MTA3: variants seen among roughly 807,000 people sequenced by gnomAD.
The protein encoded by MTA3 is metastasis associated 1 family member 3.
MTA3 carries 34 observed loss-of-function variants against 83.5 expected under a neutral mutation model. The ratio of observed to expected loss-of-function variants is 0.41; its 90% CI spans 0.31 to 0.54. The LOEUF (loss-of-function observed/expected upper bound fraction) is 0.54, where lower values mean the gene tolerates loss of function less well. MTA3 is among the 20% of genes least tolerant of loss of function. The probability of loss-of-function intolerance (pLI) is 0.33; values close to 1 mark genes in which losing one functional copy is unlikely to be tolerated. For missense variants in MTA3, 761 were observed against 726.4 expected (o/e 1.05, Z -0.55); for synonymous variants, 303 against 252.7 (o/e 1.20, Z -1.89).
chr2:42,563,831 C>T (rs867587047), upstream of MTA3, among the ~76,000 whole-genome samples: 12 of 134,642 alleles, frequency 8.9e-5, no homozygotes, highest in African/African-American at 2.8e-4. Context: ...TTCCTTCCTT[C>T]CTTTCTTTTT....
intron 4 of MTA3, among the ~76,000 whole-genome samples, chr2:42,622,360 C>CGTCCAGCTTCGG (rs1685658587): frequency 2.2e-5 from 3 of 136,184 alleles, no homozygotes; most frequent in Non-Finnish European, 4.6e-5. Flanking sequence ...GCAGCAGTAC[C>CGTCCAGCTTCGG]GTCCAGCTTC....
At chr2:42,525,400 G>A (rs1261965198) in intron 2 of MTA3, among the ~76,000 whole-genome samples, 1 of 151,260 alleles carries the variant, frequency 6.6e-6, no homozygotes, top group Non-Finnish European at 1.5e-5. Flanking sequence ...GGATTTCACC[G>A]TGTTGCCCAG....
At chr2:42,622,085 A>C (rs533679931) in intron 4 of MTA3, among the ~76,000 whole-genome samples, 2 of 152,272 alleles carry the variant, frequency 1.3e-5, no homozygotes, top group African/African-American at 2.4e-5. Context: ...GCGAGCCGAG[A>C]TCACGCCACT....
At chr2:42,580,475 G>C (rs1172470979) in intron 3 of MTA3, among the ~76,000 whole-genome samples, 1 of 151,958 alleles carries the variant, frequency 6.6e-6, no homozygotes, top group African/African-American at 2.4e-5. Context: ...GGGTTCAGGC[G>C]ACTCTCCTGC....
At chr2:42,545,352 T>C (rs1676714373) in intron 2 of MTA3, among the ~76,000 whole-genome samples, 1 of 151,994 alleles carries the variant, frequency 6.6e-6, no homozygotes, top group African/African-American at 2.4e-5. Flanking sequence ...CATTCCAGCC[T>C]GAGCGACAGA....
At chr2:42,700,420 G>T (rs969474460) in intron 11 of MTA3, among the ~76,000 whole-genome samples, 1 of 152,130 alleles carries the variant, frequency 6.6e-6, no homozygotes, top group Non-Finnish European at 1.5e-5. Context: ...ATGTCTATAT[G>T]CAGTCTTGGC....
chr2:42,687,003 T>C (rs901877979), intron 9 of MTA3, among the ~76,000 whole-genome samples: 1 of 151,364 alleles, frequency 6.6e-6, no homozygotes, highest in Non-Finnish European at 1.5e-5. Flanking sequence ...GGCACATGCC[T>C]ATAATACCAG....
intron 6 of MTA3, among the ~76,000 whole-genome samples, chr2:42,653,690 T>G (rs1688916252): frequency 6.6e-6 from 1 of 152,234 alleles, no homozygotes; most frequent in African/African-American, 2.4e-5. Flanking sequence ...TACAGTGAAT[T>G]TATTTAGAAT....
chr2:42,604,590 AATTT>A (rs1683007212), intron 3 of MTA3, among the ~76,000 whole-genome samples: 19 of 110,560 alleles, frequency 1.7e-4, no homozygotes, highest in African/African-American at 5.7e-4. Context: ...TTTTTTTTTT[AATTT>A]ATTTTTTTAT....
intron 14 of MTA3, among the ~76,000 whole-genome samples, chr2:42,716,756 A>C (rs187718517): frequency 2.6e-5 from 4 of 152,246 alleles, no homozygotes; most frequent in African/African-American, 9.6e-5. Flanking sequence ...GGTTGATTCC[A>C]TGTCTTTACT....
chr2:42,722,877 T>A lies in MTA3; in HGVS notation c.1613-12T>A, dbSNP rs1311190279. The A allele has an allele frequency of 6.4e-7, 1 of 1,550,674 alleles. No individual in the cohort carries two copies. The highest frequency in any genetic ancestry group is 8.7e-7 in the Non-Finnish European group (1 of 1,146,940). On this transcript the variant is annotated splice_polypyrimidine_tract_variant and intron_variant, in intron 15 of 16. Coordinates refer to ENST00000405094, the MANE Select transcript of MTA3 (RefSeq NM_001330442.2). ...CATGTTCTGAATTGAGAAACCTTTT[T>A]TCCCCCATCAGAGATCCATCCTGCA...
At chr2:42,509,341 C>CCT (rs1674791701) in intron 2 of MTA3, among the ~76,000 whole-genome samples, 1 of 152,180 alleles carries the variant, frequency 6.6e-6, no homozygotes, top group Admixed American at 6.6e-5. Context: ...CTGCGCCTGG[C>CCT]CTCACCTGTT....
At chr2:42,726,534 TG>T (rs767956733) in intron 16 of MTA3, among the ~76,000 whole-genome samples, 4 of 151,566 alleles carry the variant, frequency 2.6e-5, no homozygotes, top group Non-Finnish European at 4.4e-5. Flanking sequence ...GTCCCCAGAG[TG>T]TGATGTTCCC....
At chr2:42,605,844 A>C (rs1344423196) in intron 3 of MTA3, among the ~76,000 whole-genome samples, 8 of 119,132 alleles carry the variant, frequency 6.7e-5, no homozygotes, top group African/African-American at 2.3e-4. Flanking sequence ...TGGAGGGCTG[A>C]CCCCCCCACC....
intron 3 of MTA3, among the ~76,000 whole-genome samples, chr2:42,585,614 A>G (rs1048760258): frequency 6.6e-6 from 1 of 151,510 alleles, no homozygotes; most frequent in African/African-American, 2.4e-5. Flanking sequence ...AGCTGGAACT[A>G]CAGATGTGTG....
intron 9 of MTA3, among the ~76,000 whole-genome samples, chr2:42,694,133 C>G (rs2083348): frequency 0.64 from 96,648 of 152,042 alleles, 31,295 homozygotes; most frequent in South Asian, 0.8. Context: ...ATCCAAGATG[C>G]AAGACAAAGT....
intron 3 of MTA3, 88 bp from the exon 4 acceptor site, chr2:42,609,370 T>C (rs1485162611): frequency 5.2e-6 from 7 of 1,348,636 alleles, no homozygotes; most frequent in African/African-American, 2.9e-5. Flanking sequence ...GAAGAAAATA[T>C]TGAATAAAAT....
At chr2:42,555,030 G>A (rs936116993) in intron 2 of MTA3, among the ~76,000 whole-genome samples, 3 of 152,160 alleles carry the variant, frequency 2.0e-5, no homozygotes, top group African/African-American at 7.2e-5. Context: ...GCAGGCACCT[G>A]TAATCCTAGC....
chr2:42,666,127 AT>A (rs1690210457), intron 8 of MTA3, among the ~76,000 whole-genome samples: 1 of 151,896 alleles, frequency 6.6e-6, no homozygotes, highest in Non-Finnish European at 1.5e-5. Flanking sequence ...AATACAAAAA[AT>A]TAGCTGGGTG....
Sources: allele counts gnomAD v4.1 joint callset (sites outside exome capture counted in the v4.1 genomes callset), GRCh38; gene constraint gnomAD v4.1.1; transcripts MANE v1.5; gene names NCBI Gene and HGNC (gene_info 2026-07-23, HGNC 2026-07-21).